The following EPHA5 variants were observed in gnomAD, a reference collection of about 807,000 sequenced individuals.
EPHA5 encodes EPH receptor A5, also known as ephrin type-A receptor 5.
EPHA5 carries 60 observed loss-of-function variants against 105.0 expected under a neutral mutation model. The observed-to-expected ratio is 0.57, with a 90% CI of 0.46 to 0.71. The LOEUF is 0.71. EPHA5 is among the 30% of genes least tolerant of loss of function. The pLI, the probability that EPHA5 is intolerant of heterozygous loss-of-function variation, is 0.00. For missense variants in EPHA5, 1,218 were observed against 1,274.7 expected (o/e 0.96, Z 0.68); for synonymous variants, 513 against 449.1 (o/e 1.14, Z -1.80).
At chr4:65,631,733 T>TATAATA (rs71205398) in intron 2 of EPHA5, among the ~76,000 whole-genome samples, 164 of 109,586 alleles carry the variant, frequency 1.5e-3, no homozygotes, top group Middle Eastern at 6.0e-3. Context: ...AAACTTAAAG[T>TATAATA]ATAATAATAA....
chr4:65,570,468 C>T (rs1740012503), intron 3 of EPHA5, among the ~76,000 whole-genome samples: 2 of 151,302 alleles, frequency 1.3e-5, no homozygotes, highest in African/African-American at 4.8e-5. Context: ...CCCCACTCTA[C>T]CCTCATACAT....
intron 8 of EPHA5, among the ~76,000 whole-genome samples, chr4:65,386,205 A>G (rs1463341572): frequency 6.6e-6 from 1 of 152,000 alleles, no homozygotes; most frequent in African/African-American, 2.4e-5. Context: ...GAGCCTGTTC[A>G]TGCAATTTAC....
chr4:65,438,492 C>T (rs1031370766), intron 5 of EPHA5, among the ~76,000 whole-genome samples: 7 of 151,338 alleles, frequency 4.6e-5, no homozygotes, highest in African/African-American at 7.3e-5. Flanking sequence ...CTTTGAAAGG[C>T]CTCCCCACAT....
intron 3 of EPHA5, among the ~76,000 whole-genome samples, chr4:65,497,870 A>G (rs1168201679): frequency 6.6e-6 from 1 of 152,008 alleles, no homozygotes; most frequent in Admixed American, 6.6e-5. Flanking sequence ...ATAGTGGGCC[A>G]GTAACTCTAC....
intron 8 of EPHA5, chr4:65,376,948 T>G: frequency 6.7e-7 from 1 of 1,484,826 alleles, no homozygotes; most frequent in East Asian, 2.3e-5. Flanking sequence ...CCGACGGTAA[T>G]ACATATAGGT....
intron 11 of EPHA5, among the ~76,000 whole-genome samples, chr4:65,361,141 A>C (rs563083069): frequency 6.6e-6 from 1 of 151,668 alleles, no homozygotes; most frequent in East Asian, 1.9e-4. Context: ...TTGTACTCCA[A>C]TGTAGAACTG....
chr4:65,420,290 C>T, intron 6 of EPHA5, 151 bp downstream of exon 6: 2 of 720,264 alleles, frequency 2.8e-6, no homozygotes, highest in East Asian at 5.9e-5. Context: ...GCTCCCTGTA[C>T]ACTTCTAGCC....
intron 1 of EPHA5, among the ~76,000 whole-genome samples, chr4:65,660,157 T>G (rs1481296595): frequency 6.6e-6 from 1 of 152,244 alleles, no homozygotes; most frequent in East Asian, 1.9e-4. Context: ...TTTCTTGATA[T>G]GATTTGTGGC....
chr4:65,376,870 T>C (rs1719058835), intron 8 of EPHA5: 5 of 652,142 alleles, frequency 7.7e-6, no homozygotes, highest in Non-Finnish European at 9.7e-6. Flanking sequence ...AATCACTTGT[T>C]AGGATTCACC....
chr4:65,646,108 G>T (rs1748090296), intron 1 of EPHA5, among the ~76,000 whole-genome samples: 1 of 152,048 alleles, frequency 6.6e-6, no homozygotes, highest in African/African-American at 2.4e-5. Context: ...CTTCTGAATT[G>T]CTAACGTTTC....
At chr4:65,345,929 C>T (rs1201489897) in intron 14 of EPHA5, among the ~76,000 whole-genome samples, 2 of 151,968 alleles carry the variant, frequency 1.3e-5, no homozygotes, top group Non-Finnish European at 2.9e-5. Context: ...CCCGCCACCA[C>T]GCCCGGCTAA....
chr4:65,406,612 T>A (rs1457963359), intron 7 of EPHA5, among the ~76,000 whole-genome samples: 1 of 152,100 alleles, frequency 6.6e-6, no homozygotes, highest in Non-Finnish European at 1.5e-5. Context: ...TATCCTCCCC[T>A]TCTTTCTCCC....
chr4:65,513,547 C>T (rs1250808950), intron 3 of EPHA5, among the ~76,000 whole-genome samples: 1 of 151,948 alleles, frequency 6.6e-6, no homozygotes, highest in Non-Finnish European at 1.5e-5. Flanking sequence ...CCACCACGCC[C>T]GACTAATTTT....
At chr4:65,459,658 C>A (rs928563439) in intron 5 of EPHA5, among the ~76,000 whole-genome samples, 6 of 151,658 alleles carry the variant, frequency 4.0e-5, no homozygotes, top group African/African-American at 1.2e-4. Context: ...TAATAATATA[C>A]ATGTGTTTAT....
At chr4:65,567,311 A>G (rs1403701402) in intron 3 of EPHA5, among the ~76,000 whole-genome samples, 1 of 151,668 alleles carries the variant, frequency 6.6e-6, no homozygotes, top group Non-Finnish European at 1.5e-5. Context: ...TCATCAGAGC[A>G]CTTATATTCT....
chr4:65,413,855 A>G (rs1302144384), intron 7 of EPHA5, among the ~76,000 whole-genome samples: 2 of 152,182 alleles, frequency 1.3e-5, no homozygotes, highest in East Asian at 3.8e-4. Context: ...ATGAGATCAG[A>G]TTAGTTCCTG....
At chr4:65,352,928 C>A in intron 12 of EPHA5, 114 bp downstream of exon 12, 1 of 522,466 alleles carries the variant, frequency 1.9e-6, no homozygotes, top group Non-Finnish European at 3.3e-6. Flanking sequence ...CTATTAAAAA[C>A]TTAAGCTTTA....
intron 5 of EPHA5, among the ~76,000 whole-genome samples, chr4:65,466,757 G>T (rs1351905985): frequency 6.6e-6 from 1 of 152,136 alleles, no homozygotes; most frequent in Non-Finnish European, 1.5e-5. Context: ...CAAGATTACC[G>T]AAGCTCTTAA....
chr4:65,654,191 G>A (rs927707959), intron 1 of EPHA5, among the ~76,000 whole-genome samples: 9 of 148,916 alleles, frequency 6.0e-5, no homozygotes, highest in Non-Finnish European at 1.2e-4. Context: ...ACAGACTTCT[G>A]TCTTCATAGA....
Sources: gnomAD v4.1 joint callset for allele counts (sites outside exome capture counted in the v4.1 genomes callset) on GRCh38, gnomAD v4.1.1 for gene constraint, MANE v1.5 for transcripts, NCBI Gene and HGNC (gene_info 2026-07-23, HGNC 2026-07-21) for gene names.